Variants in PLEKHH1 observed in about 807,000 individuals in gnomAD.
PLEKHH1 encodes the protein pleckstrin homology domain-containing family H member 1.
In PLEKHH1, 104 loss-of-function variants were observed where a neutral mutation model predicts 160.0. The observed-to-expected ratio is 0.65, with a 90% CI of 0.55 to 0.76. The LOEUF is 0.76. Among genes scored for constraint, PLEKHH1 ranks in the 30% least tolerant of loss-of-function variants. PLEKHH1 has a pLI of 0.00. For synonymous variants in PLEKHH1, 619 were observed against 678.4 expected (o/e 0.91, Z 1.36); for missense variants, 1,427 against 1,724.1 (o/e 0.83, Z 3.05).
chr14:67,545,706 A>G (rs1170934615), intron 2 of PLEKHH1, among the ~76,000 whole-genome samples: 3 of 152,240 alleles, frequency 2.0e-5, no homozygotes, highest in South Asian at 2.1e-4. Flanking sequence ...GTACAGTGGA[A>G]TACTACATTG....
In PLEKHH1 at chr14:67,557,339, G is replaced by A. The variant is rs751788042; in HGVS notation, c.260G>A (p.Arg87Gln). 6.2e-6 allele frequency: 10 copies of A among 1,613,574 alleles called. No homozygotes were observed. The highest frequency in any genetic ancestry group is 4.5e-5 in the East Asian group (2 of 44,898). Residue 87 changes from arginine to glutamine, a missense_variant, in exon 4 of 29, where the codon CGG becomes CAG. Coordinates refer to ENST00000329153, the MANE Select transcript of PLEKHH1 (RefSeq NM_020715.3). ...KNVDSEGSLHRKYQELLKAIK... is the reference protein window; with the variant it reads ...KNVDSEGSLHQKYQELLKAIK... ...GTGGACTCTGAGGGGAGCCTGCACC[G>A]GAAATACCAAGAATTGCTGAAAGCC...
Position 67,586,092 on chromosome 14 carries a change from C to G in PLEKHH1, c.3928C>G (p.Pro1310Ala). 6.2e-7 allele frequency: 1 copy of G among 1,613,884 alleles called. No homozygotes were observed. The highest frequency in any genetic ancestry group is 2.2e-5 in the East Asian group (1 of 44,882). The stretch of plus-strand genomic sequence containing the variant: ...GAAGTTGATCTTCCGGATGGCTGCT[C>G]CCAAGGTAGGTCTGACAGCTGTTAA... The part of the protein sequence containing the change: ...IEKLIFRMAA[P>A]KIAEATFIMA... Residue 1310 changes from proline to alanine, a missense_variant, in exon 28 of 29, where the codon CCC becomes GCC. By Grantham distance (27) the Pro-to-Ala change is conservative. Coordinates refer to ENST00000329153, the MANE Select transcript of PLEKHH1 (RefSeq NM_020715.3).
chr14:67,556,334 C>T (rs939417175), intron 3 of PLEKHH1, among the ~76,000 whole-genome samples: 1 of 152,192 alleles, frequency 6.6e-6, no homozygotes, highest in Non-Finnish European at 1.5e-5. Context: ...TGGGGTCTTG[C>T]TATGTTGCCC....
At chr14:67,553,605 G>A (rs1431829036) in intron 2 of PLEKHH1, among the ~76,000 whole-genome samples, 8 of 152,210 alleles carry the variant, frequency 5.3e-5, no homozygotes, top group African/African-American at 1.9e-4. Context: ...GTCAAAGAGG[G>A]AAGGGTTATG....
In PLEKHH1 at chr14:67,578,547, T is replaced by A; in HGVS notation, c.2765T>A (p.Leu922His). ...TGTCCCTGGCAGTGCTGGCAGCTCC[T>A]CGCTCTGTGTGCTCCACTTTTCCTG... ...KYSLMQCWQL[L>H]ALCAPLFLPQ... The change falls in exon 20 of 29, where the codon CTC (leucine) becomes CAC (histidine). Residue 922 changes from leucine to histidine, a missense_variant. Leu to His is a moderately conservative substitution (Grantham distance 99, BLOSUM62 -3). Around this residue, in one of 6 missense-constraint regions of PLEKHH1, gnomAD observed 436 missense variants for 607.5 expected, o/e 0.72. Transcript: ENST00000329153. The surrounding 1 kb of genome is among the most constrained non-coding windows in gnomAD (Gnocchi z 5.0). 1 of 1,610,098 alleles carries A rather than the reference T, an allele frequency of 6.2e-7. No individual in the cohort carries two copies. The highest frequency in any genetic ancestry group is 8.5e-7 in the Non-Finnish European group (1 of 1,178,346).
intron 23 of PLEKHH1, among the ~76,000 whole-genome samples, chr14:67,581,261 C>T (rs938604378): frequency 2.1e-5 from 3 of 140,510 alleles, no homozygotes; most frequent in Non-Finnish European, 4.7e-5. Context: ...ACTGCGTGTG[C>T]GTGTGTGTAT....
chr14:67,582,125 C>T lies in PLEKHH1; in HGVS notation c.3341C>T (p.Ala1114Val). ...GETDRERLLL[A>V]SQTSREIVAG... ...ACGGACCGAGAACGGCTGCTCCTTGCCTCTCAAACCAGTAGAGAGATAGTG... is the reference window on the plus strand; with the variant it reads ...ACGGACCGAGAACGGCTGCTCCTTGTCTCTCAAACCAGTAGAGAGATAGTG... The change falls in exon 24 of 29, where the codon GCC becomes GTC. Residue 1114 changes from alanine to valine, a missense_variant. This residue lies in a region of PLEKHH1 where 436 missense variants were observed against 607.5 expected (regional missense o/e 0.72). Transcript: ENST00000329153. This position sits in a 1 kb window ranked among gnomAD's most constrained non-coding sequence, Gnocchi z 5.0. 1.2e-6 allele frequency: 2 copies of T among 1,613,476 alleles called. No homozygotes were observed. Among genetic ancestry groups the T allele is most frequent in the Non-Finnish European group, 8.5e-7 (1 of 1,179,760 alleles).
chr14:67,577,172 C>G (rs2035657723), intron 17 of PLEKHH1, 130 bp from the exon 18 acceptor site: 1 of 672,746 alleles, frequency 1.5e-6, no homozygotes, highest in Non-Finnish European at 2.6e-6. Context: ...GATGATAAAC[C>G]CAGCACAACC....
chr14:67,535,950 G>A (rs1439325419), intron 1 of PLEKHH1, among the ~76,000 whole-genome samples: 1 of 152,196 alleles, frequency 6.6e-6, no homozygotes, highest in Non-Finnish European at 1.5e-5. Flanking sequence ...CTCAATTTCA[G>A]AATGGAACTG....
chr14:67,572,175 C>G lies in PLEKHH1; in HGVS notation c.1626C>G (p.Ala542=). ...CACTGAGCTCCGAGGGTGACTACGC[C>G]ATCCCCCCGGACGCCTGCTCACTGG... The part of the protein sequence containing the change: ...MSSLSSEGDY[A]IPPDACSLDS... Residue 542 remains alanine, a synonymous_variant, in exon 11 of 29, where the codon GCC becomes GCG. Transcript: ENST00000329153. 1 of 1,607,722 alleles carries G rather than the reference C, an allele frequency of 6.2e-7. No individual in the cohort carries two copies. Among genetic ancestry groups the G allele is most frequent in the South Asian group, 1.1e-5 (1 of 89,478 alleles).
chr14:67,572,989 C>A (rs1311734566), intron 11 of PLEKHH1, among the ~76,000 whole-genome samples: 1 of 152,192 alleles, frequency 6.6e-6, no homozygotes, highest in African/African-American at 2.4e-5. Context: ...GACGCTCTCC[C>A]TGGCCAGGCT....
At chr14:67,553,020 CTT>C (rs1477976088) in intron 2 of PLEKHH1, among the ~76,000 whole-genome samples, 3 of 152,316 alleles carry the variant, frequency 2.0e-5, no homozygotes, top group Admixed American at 6.5e-5. Context: ...ATGTCATTGA[CTT>C]ATCACTCTTG....
chr14:67,548,379 C>G (rs549779938), intron 2 of PLEKHH1, among the ~76,000 whole-genome samples: 1 of 152,136 alleles, frequency 6.6e-6, no homozygotes, highest in African/African-American at 2.4e-5. Flanking sequence ...TTCTTTATGC[C>G]AAAAGGGCTT....
At chr14:67,544,866 G>GCTAA (rs1160429386) in intron 2 of PLEKHH1, among the ~76,000 whole-genome samples, 1 of 152,218 alleles carries the variant, frequency 6.6e-6, no homozygotes, top group African/African-American at 2.4e-5. Context: ...AGACCTGGAT[G>GCTAA]TTAGAATGAC....
At chr14:67,544,704 T>TA (rs2034109012) in intron 2 of PLEKHH1, among the ~76,000 whole-genome samples, 1 of 152,204 alleles carries the variant, frequency 6.6e-6, no homozygotes, top group African/African-American at 2.4e-5. Flanking sequence ...AGAACTTTAA[T>TA]AAGTGAAAGT....
At chr14:67,583,249 C>G (rs1029543430) in intron 24 of PLEKHH1, among the ~76,000 whole-genome samples, 2 of 152,138 alleles carry the variant, frequency 1.3e-5, no homozygotes, top group African/African-American at 4.8e-5. Flanking sequence ...TATGCATCCT[C>G]CATTGTAGTT....
chr14:67,551,141 G>A (rs1340867484), intron 2 of PLEKHH1, among the ~76,000 whole-genome samples: 1 of 152,108 alleles, frequency 6.6e-6, no homozygotes, highest in Non-Finnish European at 1.5e-5. Flanking sequence ...AATTAATAGT[G>A]GGCAACCTCT....
rs2035921010 is a variant in PLEKHH1 at position 67,581,952 on chromosome 14, A to C, written c.3285-117A>C. The C allele has an allele frequency of 9.8e-6, 10 of 1,020,352 alleles. No homozygotes were observed. In the South Asian group the frequency reaches 1.5e-4, roughly 15 times the overall value. The allele number at this position is 1,020,352 out of a possible 1,614,324, so 63.2% of individuals were successfully genotyped here. On this transcript the variant is annotated intron_variant, in intron 23 of 28. Transcript: ENST00000329153. Reference sequence around the variant, plus strand: ...TGGAGGCAATACAAAATAGGCTCATAAATAGTGGGAAAAGAGTACTTTATC... The same window carrying C: ...TGGAGGCAATACAAAATAGGCTCATCAATAGTGGGAAAAGAGTACTTTATC...
intron 20 of PLEKHH1, 95 bp from the exon 21 acceptor site, chr14:67,579,039 A>G: frequency 1.2e-6 from 1 of 811,022 alleles, no homozygotes; most frequent in Non-Finnish European, 2.0e-6. Context: ...CCCCAGCTAC[A>G]GTTTTGGTCC....
Sources: gnomAD v4.1 joint callset for allele counts (sites outside exome capture counted in the v4.1 genomes callset) on GRCh38, gnomAD v4.1.1 for gene constraint, gnomAD v4.1.1 regional missense constraint, Gnocchi (gnomAD v3.1) non-coding constraint, MANE v1.5 for transcripts, NCBI Gene and HGNC (gene_info 2026-07-23, HGNC 2026-07-21) for gene names.